RBFOX1: variants seen among roughly 807,000 people sequenced by gnomAD.
RBFOX1 encodes the protein RNA binding protein fox-1 homolog 1.
RBFOX1 carries 8 observed loss-of-function variants against 57.7 expected under a neutral mutation model. The observed-to-expected ratio is 0.14, with a 90% CI of 0.08 to 0.25. RBFOX1 has a LOEUF of 0.25. Among genes scored for constraint, RBFOX1 ranks in the 10% least tolerant of loss-of-function variants. The probability of loss-of-function intolerance (pLI) is 1.00; values close to 1 mark genes in which losing one functional copy is unlikely to be tolerated. For missense variants in RBFOX1, 611 were observed against 548.5 expected, an observed-to-expected ratio of 1.11 and a Z score of -1.14; for synonymous variants, 326 against 222.4, an observed-to-expected ratio of 1.47 and a Z score of -4.15.
At chr16:7,202,361 C>T (rs1602922513) in intron 4 of RBFOX1, among the ~76,000 whole-genome samples, 1 of 151,086 alleles carries the variant, frequency 6.6e-6, no homozygotes, top group African/African-American at 2.4e-5. Context: ...AAATTGGACC[C>T]ATTACGCCCT....
chr16:7,662,964 C>T (rs538171105), intron 12 of RBFOX1, among the ~76,000 whole-genome samples: 1 of 152,216 alleles, frequency 6.6e-6, no homozygotes, highest in Non-Finnish European at 1.5e-5. Context: ...TAACTTGGCT[C>T]TTGAATGGTC....
intron 3 of RBFOX1, among the ~76,000 whole-genome samples, chr16:7,019,783 G>A (rs148887988): frequency 1.1e-4 from 16 of 152,232 alleles, no homozygotes; most frequent in African/African-American, 3.6e-4. Flanking sequence ...CTTGTACAAG[G>A]AAATACCCAC....
chr16:6,652,385 T>C (rs1430016765), intron 2 of RBFOX1, among the ~76,000 whole-genome samples: 1 of 151,512 alleles, frequency 6.6e-6, no homozygotes, highest in Non-Finnish European at 1.5e-5. Context: ...GAGGTGGAGG[T>C]TGCAGTGAGC....
intron 3 of RBFOX1, among the ~76,000 whole-genome samples, chr16:7,029,069 TATATATATATATACACACACACACACAC>T (rs1439140250): frequency 3.6e-5 from 2 of 55,602 alleles, no homozygotes; most frequent in African/African-American, 2.8e-4. Context: ...TATATATATA[TATATATATATATACACACACACACACAC>T]ACACACACAC....
intron 3 of RBFOX1, among the ~76,000 whole-genome samples, chr16:6,938,257 C>A (rs1032080215): frequency 3.3e-5 from 5 of 152,130 alleles, no homozygotes; most frequent in African/African-American, 7.2e-5. Context: ...GTTGCAGATA[C>A]AATAATGCTG....
chr16:6,875,634 G>A (rs1208551025), intron 3 of RBFOX1, among the ~76,000 whole-genome samples: 3 of 152,156 alleles, frequency 2.0e-5, no homozygotes, highest in Non-Finnish European at 2.9e-5. Flanking sequence ...ATCCACATCT[G>A]GATAAAAATA....
chr16:6,743,313 C>G (rs1271884990), intron 3 of RBFOX1, among the ~76,000 whole-genome samples: 1 of 152,102 alleles, frequency 6.6e-6, no homozygotes, highest in Admixed American at 6.5e-5. Context: ...TAGGTTTAAA[C>G]CTAATTCTGT....
At chr16:7,292,960 C>G (rs1037377963) in intron 4 of RBFOX1, among the ~76,000 whole-genome samples, 1 of 151,870 alleles carries the variant, frequency 6.6e-6, no homozygotes, top group Non-Finnish European at 1.5e-5. Context: ...GGTGAGGATA[C>G]GAATTTGTTC....
At chr16:7,197,435 G>C (rs997532254) in intron 4 of RBFOX1, among the ~76,000 whole-genome samples, 14 of 115,664 alleles carry the variant, frequency 1.2e-4, no homozygotes, top group Middle Eastern at 0.01. Context: ...AAAAACCTGT[G>C]AGTGGAAAAA....
At chr16:6,389,981 C>T (rs2092512996) in intron 2 of RBFOX1, among the ~76,000 whole-genome samples, 1 of 152,106 alleles carries the variant, frequency 6.6e-6, no homozygotes, top group Non-Finnish European at 1.5e-5. Flanking sequence ...ACTTGTAAGC[C>T]ATTAGGAAGG....
intron 3 of RBFOX1, among the ~76,000 whole-genome samples, chr16:6,799,318 A>G (rs989092076): frequency 3.3e-5 from 5 of 152,146 alleles, no homozygotes; most frequent in Non-Finnish European, 7.3e-5. Context: ...GCTACTTATC[A>G]TTATATGCTA....
chr16:7,319,560 A>G (rs1381227398), intron 4 of RBFOX1, among the ~76,000 whole-genome samples: 1 of 152,028 alleles, frequency 6.6e-6, no homozygotes, highest in Admixed American at 6.6e-5. Context: ...ATTTCTCTGG[A>G]AGGATATTTT....
chr16:5,468,699 G>A (rs150068303), intron 2 of RBFOX1, among the ~76,000 whole-genome samples: 1 of 152,182 alleles, frequency 6.6e-6, no homozygotes, highest in Admixed American at 6.5e-5. Flanking sequence ...ATATTATACA[G>A]CCATAAAAAG....
At chr16:6,865,248 C>T (rs977856868) in intron 3 of RBFOX1, among the ~76,000 whole-genome samples, 12 of 151,904 alleles carry the variant, frequency 7.9e-5, no homozygotes, top group Non-Finnish European at 1.6e-4. Flanking sequence ...GGTGATCCAC[C>T]CGCCTTGGCC....
intron 4 of RBFOX1, among the ~76,000 whole-genome samples, chr16:5,907,758 A>G (rs916805872): frequency 1.3e-5 from 2 of 149,854 alleles, no homozygotes; most frequent in Non-Finnish European, 2.9e-5. Context: ...CATCATCATC[A>G]TCATCATTTG....
chr16:5,597,941 G>A (rs1027407991), intron 2 of RBFOX1, among the ~76,000 whole-genome samples: 4 of 152,162 alleles, frequency 2.6e-5, no homozygotes, highest in African/African-American at 7.2e-5. Flanking sequence ...CCTGTGAGAC[G>A]GGGCTGAGGT....
chr16:7,166,527 C>T (rs1293562289), intron 4 of RBFOX1, among the ~76,000 whole-genome samples: 1 of 152,058 alleles, frequency 6.6e-6, no homozygotes, highest in African/African-American at 2.4e-5. Flanking sequence ...AGGATGGCCT[C>T]AAAGAAGCCT....
intron 2 of RBFOX1, among the ~76,000 whole-genome samples, chr16:6,650,084 C>T (rs2098570604): frequency 6.6e-6 from 1 of 152,104 alleles, no homozygotes; most frequent in South Asian, 2.1e-4. Context: ...AGTGAATATG[C>T]AGTAGTCGGA....
At chr16:6,975,157 C>T (rs750986584) in intron 3 of RBFOX1, among the ~76,000 whole-genome samples, 2 of 152,142 alleles carry the variant, frequency 1.3e-5, no homozygotes, top group African/African-American at 4.8e-5. Context: ...TGGACTAGCT[C>T]TGTGGGTTCC....
Sources: gnomAD v4.1 joint callset for allele counts (sites outside exome capture counted in the v4.1 genomes callset) on GRCh38, gnomAD v4.1.1 for gene constraint, MANE v1.5 for transcripts, NCBI Gene and HGNC (gene_info 2026-07-23, HGNC 2026-07-21) for gene names.